PLCB1: variants seen among roughly 807,000 people sequenced by gnomAD.
The protein encoded by PLCB1 is phospholipase C beta 1.
PLCB1 carries 46 observed loss-of-function variants against 161.8 expected under a neutral mutation model. The observed-to-expected ratio is 0.28, with a 90% CI of 0.22 to 0.36. PLCB1 has a LOEUF of 0.36. Ranked by LOEUF, PLCB1 falls within the 10% of genes least tolerant of loss-of-function variation. PLCB1 has a pLI of 1.00. For missense variants in PLCB1, 1,016 were observed against 1,472.5 expected, an observed-to-expected ratio of 0.69 and a Z score of 5.07; for synonymous variants, 517 against 503.7, an observed-to-expected ratio of 1.03 and a Z score of -0.35.
intron 2 of PLCB1, among the ~76,000 whole-genome samples, chr20:8,299,382 A>G (rs1403792201): frequency 6.6e-6 from 1 of 152,112 alleles, no homozygotes; most frequent in Non-Finnish European, 1.5e-5. Flanking sequence ...TTGGAATACA[A>G]GTAACCATCT....
chr20:8,173,097 A>G (rs1311132130), intron 2 of PLCB1, among the ~76,000 whole-genome samples: 1 of 152,168 alleles, frequency 6.6e-6, no homozygotes, highest in Non-Finnish European at 1.5e-5. Context: ...CCCTCTACCA[A>G]GAGATACAAC....
intron 3 of PLCB1, among the ~76,000 whole-genome samples, chr20:8,539,616 TTTTCTTTCTTTCTTTCTTTCTTTC>T (rs34024831): frequency 2.1e-5 from 2 of 97,294 alleles, no homozygotes; most frequent in Admixed American, 1.1e-4. Flanking sequence ...CTTTTCTTTA[TTTTCTTTCTTTCTTTCTTTCTTTC>T]TTTCTTTCTT....
At chr20:8,685,742 GA>G (rs539734021) in intron 10 of PLCB1, among the ~76,000 whole-genome samples, 14 of 145,476 alleles carry the variant, frequency 9.6e-5, no homozygotes, top group African/African-American at 2.8e-4. Context: ...TGTCTCAAAA[GA>G]AAAAAAAAAG....
chr20:8,396,399 T>C (rs1215183374), intron 3 of PLCB1, among the ~76,000 whole-genome samples: 1 of 152,134 alleles, frequency 6.6e-6, no homozygotes, highest in East Asian at 1.9e-4. Context: ...GGCAAAAATT[T>C]CATGCACTAT....
chr20:8,232,872 T>C (rs1381420073), intron 2 of PLCB1, among the ~76,000 whole-genome samples: 4 of 152,192 alleles, frequency 2.6e-5, no homozygotes, highest in Non-Finnish European at 5.9e-5. Flanking sequence ...GCAGGCATGG[T>C]CCAATACCCT....
At chr20:8,394,198 T>C (rs993626099) in intron 3 of PLCB1, among the ~76,000 whole-genome samples, 10 of 152,168 alleles carry the variant, frequency 6.6e-5, no homozygotes, top group African/African-American at 2.2e-4. Flanking sequence ...AGATTCTCTG[T>C]CCACTCTTAA....
intron 3 of PLCB1, among the ~76,000 whole-genome samples, chr20:8,410,768 G>A (rs1236014909): frequency 2.0e-5 from 3 of 152,146 alleles, no homozygotes; most frequent in African/African-American, 4.8e-5. Flanking sequence ...ATATAATTAA[G>A]TATCTTGAGA....
intron 2 of PLCB1, among the ~76,000 whole-genome samples, chr20:8,337,140 T>C (rs977761709): frequency 2.6e-5 from 4 of 152,214 alleles, no homozygotes; most frequent in African/African-American, 9.6e-5. Context: ...ACACAACTTA[T>C]GTGATAAACA....
Position 8,676,436 on chromosome 20 carries a change from G to A in PLCB1, c.863-8496G>A, listed in dbSNP as rs562235349. Among the ~76,000 whole-genome samples the A allele has an allele frequency of 1.5e-4, 22 of 147,248 alleles. 1 individual carries two copies. In the South Asian group the frequency reaches 2.1e-3, roughly 14 times the overall value. The stretch of plus-strand genomic sequence containing the variant: ...AAGAGAAGAAAGAAAGAAAGAAAGA[G>A]AGAAAGAGTACCATTTTGAAAGCAA... On this transcript the variant is annotated intron_variant, in intron 9 of 31. Coordinates refer to ENST00000338037, the MANE Select transcript of PLCB1 (RefSeq NM_015192.4).
chr20:8,779,326 A>G (rs1983092605), intron 27 of PLCB1, among the ~76,000 whole-genome samples: 1 of 152,120 alleles, frequency 6.6e-6, no homozygotes, highest in African/African-American at 2.4e-5. Context: ...GATGTGTATA[A>G]TAAACAGTAC....
chr20:8,504,307 A>C (rs992880569), intron 3 of PLCB1, among the ~76,000 whole-genome samples: 3 of 152,148 alleles, frequency 2.0e-5, no homozygotes, highest in African/African-American at 7.2e-5. Flanking sequence ...CAGAAGTGAC[A>C]CAGTCCCCTT....
At chr20:8,786,724 T>A (rs1983504864) in intron 27 of PLCB1, among the ~76,000 whole-genome samples, 1 of 151,888 alleles carries the variant, frequency 6.6e-6, no homozygotes, top group South Asian at 2.1e-4. Context: ...GTTTTGCTCT[T>A]GTTGCCTAGA....
chr20:8,333,590 G>T (rs1985451937), intron 2 of PLCB1, among the ~76,000 whole-genome samples: 1 of 152,112 alleles, frequency 6.6e-6, no homozygotes, highest in African/African-American at 2.4e-5. Flanking sequence ...ACACCTAGTG[G>T]GTAGAGGCCA....
Position 8,146,110 on chromosome 20 carries a change from T to G in PLCB1, c.100-4184T>G, listed in dbSNP as rs574267250. ...TTACTGTTTTTGTTTTTTTTGTTTT[T>G]TTTTTTTTTGGTATAAGGCACAGTT... On this transcript the variant is annotated intron_variant, in intron 1 of 31. Coordinates refer to ENST00000338037, the MANE Select transcript of PLCB1 (RefSeq NM_015192.4). 3.6e-4 allele frequency among the ~76,000 whole-genome samples: 54 copies of G among 151,724 alleles called. 1 individual carries two copies. The highest frequency in any genetic ancestry group is 6.3e-4 in the Non-Finnish European group (43 of 67,888).
At chr20:8,325,811 A>T (rs888145450) in intron 2 of PLCB1, among the ~76,000 whole-genome samples, 3 of 152,154 alleles carry the variant, frequency 2.0e-5, no homozygotes, top group Non-Finnish European at 4.4e-5. Flanking sequence ...TGACAGGGTT[A>T]GGTGGATACT....
At chr20:8,541,604 G>T (rs187498828) in intron 3 of PLCB1, among the ~76,000 whole-genome samples, 69 of 149,586 alleles carry the variant, frequency 4.6e-4, no homozygotes, top group East Asian at 4.5e-3. Context: ...AAGAAAGAAA[G>T]AAAGGAAGGA....
At chr20:8,651,550 A>C (rs757047203) in intron 7 of PLCB1, 2 of 714,436 alleles carry the variant, frequency 2.8e-6, no homozygotes. Context: ...GATGCTTTGG[A>C]ATAGGAAAAA....
chr20:8,770,507 G>A (rs1361746484), intron 26 of PLCB1, among the ~76,000 whole-genome samples: 2 of 152,134 alleles, frequency 1.3e-5, no homozygotes, highest in South Asian at 2.1e-4. Context: ...CAGGACATGC[G>A]CCTGTGACAG....
chr20:8,391,777 ATGTGTGTG>A (rs1405473637), intron 3 of PLCB1, among the ~76,000 whole-genome samples: 1 of 50,904 alleles, frequency 2.0e-5, no homozygotes, highest in African/African-American at 5.8e-5. Flanking sequence ...ATATATATAT[ATGTGTGTG>A]TATATATATA....
Sources: allele counts gnomAD v4.1 joint callset (sites outside exome capture counted in the v4.1 genomes callset), GRCh38; gene constraint gnomAD v4.1.1; transcripts MANE v1.5; gene names NCBI Gene and HGNC (gene_info 2026-07-23, HGNC 2026-07-21).